The following SPAG16 variants were observed in gnomAD, a reference collection of about 807,000 sequenced individuals.
SPAG16 encodes the protein sperm-associated antigen 16 protein.
A neutral mutation model predicts 80.4 loss-of-function variants in SPAG16; 86 were observed. That is an observed-to-expected ratio of 1.07 (90% CI 0.90 to 1.28). SPAG16 has a LOEUF of 1.28. Ranked by LOEUF, SPAG16 falls within the 50% of genes most tolerant of loss-of-function variation. The pLI is 0.00. For missense variants in SPAG16, 870 were observed against 765.3 expected (o/e 1.14, Z -1.61); for synonymous variants, 294 against 265.9 (o/e 1.11, Z -1.03).
chr2:213,549,359 G>C (rs2076715554), intron 10 of SPAG16, among the ~76,000 whole-genome samples: 1 of 151,896 alleles, frequency 6.6e-6, no homozygotes, highest in South Asian at 2.1e-4. Context: ...GTTTCTAAAG[G>C]TATTTTAATA....
At chr2:214,379,079 C>T (rs1169830496) in intron 15 of SPAG16, among the ~76,000 whole-genome samples, 5 of 152,176 alleles carry the variant, frequency 3.3e-5, no homozygotes, top group Admixed American at 1.3e-4. Flanking sequence ...CATCAGATAG[C>T]CTCTTGTGAA....
chr2:214,357,958 G>T, intron 15 of SPAG16, among the ~76,000 whole-genome samples: 1 of 151,976 alleles, frequency 6.6e-6, no homozygotes, highest in Middle Eastern at 3.4e-3. Flanking sequence ...AGGAACGTGA[G>T]TTTATGATTA....
In SPAG16 at chr2:213,967,923, C is replaced by T. The variant is rs149667341; in HGVS notation, c.1400+37778C>T. On this transcript the variant is annotated intron_variant, in intron 12 of 15. Transcript: ENST00000331683. ...TTTATAGGGATTGTGCTTCCTTTTACGATATCAGTGATTGATATATTTAAT... is the reference window on the plus strand; with the variant it reads ...TTTATAGGGATTGTGCTTCCTTTTATGATATCAGTGATTGATATATTTAAT... 1.9e-3 allele frequency among the ~76,000 whole-genome samples: 289 copies of T among 152,140 alleles called. 7 individuals are homozygous for T. Among genetic ancestry groups the T allele is most frequent in the Admixed American group, 0.017 (256 of 15,274 alleles).
intron 13 of SPAG16, among the ~76,000 whole-genome samples, chr2:214,031,877 A>G (rs962296940): frequency 1.3e-5 from 2 of 152,096 alleles, no homozygotes; most frequent in African/African-American, 4.8e-5. Flanking sequence ...ATGAGAACTC[A>G]TTCACTATCA....
At chr2:213,905,123 T>C (rs2077382191) in intron 11 of SPAG16, among the ~76,000 whole-genome samples, 2 of 152,194 alleles carry the variant, frequency 1.3e-5, no homozygotes, top group Non-Finnish European at 2.9e-5. Context: ...ATTGTGATGA[T>C]CAAAAGACTC....
intron 11 of SPAG16, among the ~76,000 whole-genome samples, chr2:213,885,968 A>G (rs866972277): frequency 1.3e-5 from 2 of 152,130 alleles, no homozygotes; most frequent in African/African-American, 2.4e-5. Flanking sequence ...TACAGGAGAA[A>G]CTCTATTTTT....
chr2:213,610,876 A>C (rs1284261171), intron 10 of SPAG16, among the ~76,000 whole-genome samples: 1 of 152,202 alleles, frequency 6.6e-6, no homozygotes, highest in Non-Finnish European at 1.5e-5. Flanking sequence ...ATTATCTTTA[A>C]AGTAAAATTA....
chr2:213,293,889 TA>T lies in SPAG16; in HGVS notation c.137-2174del, dbSNP rs544557384. Reference sequence around the variant, plus strand: ...ATTACCACACCCAAGCTAATTAACCTATTTACCTCATATAGTTACCTTTTCA... The same window carrying T: ...ATTACCACACCCAAGCTAATTAACCTTTTACCTCATATAGTTACCTTTTCA... On this transcript the variant is annotated intron_variant, in intron 1 of 15. Transcript: ENST00000331683. Among the ~76,000 whole-genome samples, 83 of 152,352 alleles carry T rather than the reference TA, an allele frequency of 5.4e-4. 3 individuals are homozygous for T. The South Asian group carries it at 6.2e-3, about 11-fold the overall frequency.
At chr2:213,660,297 G>T (rs2063373630) in intron 10 of SPAG16, among the ~76,000 whole-genome samples, 6 of 150,620 alleles carry the variant, frequency 4.0e-5, no homozygotes, top group South Asian at 4.2e-4. Flanking sequence ...CTGAGACAGA[G>T]TCTCACTTTG....
intron 11 of SPAG16, among the ~76,000 whole-genome samples, chr2:213,926,329 C>T (rs938255066): frequency 2.0e-5 from 3 of 151,808 alleles, no homozygotes; most frequent in Non-Finnish European, 4.4e-5. Flanking sequence ...GATTTTGGTG[C>T]ACCCATCACC....
chr2:214,185,055 A>G (rs189334506), intron 15 of SPAG16, among the ~76,000 whole-genome samples: 2 of 152,172 alleles, frequency 1.3e-5, no homozygotes, highest in East Asian at 1.9e-4. Flanking sequence ...ATTAACATTC[A>G]TAATTAACAT....
intron 12 of SPAG16, among the ~76,000 whole-genome samples, chr2:213,957,886 T>G (rs1035574014): frequency 3.3e-5 from 5 of 152,156 alleles, no homozygotes; most frequent in Admixed American, 2.0e-4. Flanking sequence ...CTCTTTCTGG[T>G]AAGTGGCCAT....
intron 10 of SPAG16, among the ~76,000 whole-genome samples, chr2:213,809,992 C>A (rs1050673902): frequency 2.0e-5 from 3 of 152,088 alleles, no homozygotes; most frequent in African/African-American, 7.2e-5. Context: ...ATGGCACCCA[C>A]GCATCGTACG....
At chr2:213,763,048 A>G (rs1349528621) in intron 10 of SPAG16, among the ~76,000 whole-genome samples, 3 of 152,224 alleles carry the variant, frequency 2.0e-5, no homozygotes, top group Admixed American at 2.0e-4. Flanking sequence ...ACCATCACTA[A>G]TCACCAGAGA....
intron 14 of SPAG16, among the ~76,000 whole-genome samples, chr2:214,124,801 A>C (rs1351393657): frequency 1.3e-5 from 2 of 151,806 alleles, no homozygotes; most frequent in Non-Finnish European, 2.9e-5. Flanking sequence ...GTGGCTCTGC[A>C]GGGAAACTGT....
At chr2:213,851,958 G>A (rs1436724819) in intron 10 of SPAG16, among the ~76,000 whole-genome samples, 3 of 152,094 alleles carry the variant, frequency 2.0e-5, no homozygotes, top group African/African-American at 7.2e-5. Context: ...AAAGTGCTAG[G>A]GAAGTATTAA....
chr2:213,296,163 A>G, intron 2 of SPAG16, 53 bp downstream of exon 2: 1 of 1,256,870 alleles, frequency 8.0e-7, no homozygotes, highest in Non-Finnish European at 1.2e-6. Context: ...AGTCATTCTC[A>G]TGAAATGCTC....
intron 10 of SPAG16, among the ~76,000 whole-genome samples, chr2:213,774,808 G>A (rs1029448136): frequency 6.6e-6 from 1 of 152,136 alleles, no homozygotes; most frequent in African/African-American, 2.4e-5. Context: ...ATTTTATCTG[G>A]ACCTAATTTT....
intron 13 of SPAG16, among the ~76,000 whole-genome samples, chr2:214,015,444 C>T (rs1169847899): frequency 6.6e-6 from 1 of 151,872 alleles, no homozygotes; most frequent in African/African-American, 2.4e-5. Context: ...ACTGAAAATA[C>T]AAAATTGGCT....
Sources: gnomAD v4.1 joint callset for allele counts (sites outside exome capture counted in the v4.1 genomes callset) on GRCh38, gnomAD v4.1.1 for gene constraint, MANE v1.5 for transcripts, NCBI Gene and HGNC (gene_info 2026-07-23, HGNC 2026-07-21) for gene names.